TMEM232: variants seen among roughly 807,000 people sequenced by gnomAD.
TMEM232 encodes the protein transmembrane protein 232.
TMEM232 carries 80 observed loss-of-function variants against 78.8 expected under a neutral mutation model. The observed-to-expected ratio is 1.01, with a 90% confidence interval of 0.85 to 1.22. TMEM232 has a LOEUF of 1.22. TMEM232 is among the 50% of genes most tolerant of loss of function. The pLI is 0.00. For synonymous variants in TMEM232, 297 were observed against 254.3 expected (o/e 1.17, Z -1.60); for missense variants, 881 against 742.2 (o/e 1.19, Z -2.17).
At chr5:110,574,455 T>C (rs144143816) in intron 10 of TMEM232, among the ~76,000 whole-genome samples, 122 of 152,190 alleles carry the variant, frequency 8.0e-4, no homozygotes, top group African/African-American at 2.9e-3. Context: ...CCTTGGAATG[T>C]CCTGACTAAT....
At chr5:110,489,720 T>G (rs1341007396) in intron 12 of TMEM232, among the ~76,000 whole-genome samples, 1 of 152,120 alleles carries the variant, frequency 6.6e-6, no homozygotes, top group Non-Finnish European at 1.5e-5. Flanking sequence ...TATTTTTGTT[T>G]GCAGATGGTA....
intron 11 of TMEM232, among the ~76,000 whole-genome samples, chr5:110,544,612 TTC>T (rs1773558211): frequency 6.6e-6 from 1 of 152,170 alleles, no homozygotes; most frequent in African/African-American, 2.4e-5. Flanking sequence ...TTCTCTTCCC[TTC>T]TCTCACAGTC....
chr5:110,408,000 A>G (rs1755853950), intron 2 of TMEM232, among the ~76,000 whole-genome samples: 1 of 152,246 alleles, frequency 6.6e-6, no homozygotes, highest in Non-Finnish European at 1.5e-5. Flanking sequence ...TGAAATAATT[A>G]CGAATGAAAT....
intron 1 of TMEM232, among the ~76,000 whole-genome samples, chr5:110,708,703 A>G (rs1440050712): frequency 3.9e-5 from 6 of 152,172 alleles, no homozygotes; most frequent in African/African-American, 1.2e-4. Context: ...CCTAATGGTA[A>G]GTGCAAATTG....
intron 12 of TMEM232, among the ~76,000 whole-genome samples, chr5:110,498,679 A>C (rs1765885744): frequency 6.6e-6 from 1 of 152,208 alleles, no homozygotes; most frequent in Admixed American, 6.5e-5. Flanking sequence ...TCCCATATGC[A>C]GAATGGCTAA....
In TMEM232 at chr5:110,461,250, A is replaced by ATGAT. The variant is rs532260473; in HGVS notation, c.1704-36338_1704-36335dup. Among the ~76,000 whole-genome samples, 1,243 of 148,592 alleles carry ATGAT rather than the reference A, an allele frequency of 8.4e-3. 13 individuals are homozygous for ATGAT. Among genetic ancestry groups the ATGAT allele is most frequent in the Non-Finnish European group, 0.013 (871 of 67,980 alleles). On this transcript the variant is annotated intron_variant, in intron 12 of 13. Coordinates refer to ENST00000455884, the MANE Select transcript of TMEM232 (RefSeq NM_001039763.4). ...AAGTGCTACTCTAGTGAGCACATGA[A>ATGAT]TGATTAAAAAAAAAAGTAAAACAAT...
At chr5:110,422,482 T>G (rs970734101) in intron 13 of TMEM232, among the ~76,000 whole-genome samples, 3 of 122,080 alleles carry the variant, frequency 2.5e-5, no homozygotes, top group African/African-American at 1.0e-4. Context: ...GTCACACCAC[T>G]GCACTCCAGC....
At chr5:110,473,036 C>A (rs1762849034) in intron 12 of TMEM232, among the ~76,000 whole-genome samples, 1 of 148,806 alleles carries the variant, frequency 6.7e-6, no homozygotes. Flanking sequence ...TGGATAAAAC[C>A]TAAAAAGCAC....
chr5:110,445,381 G>GAACAT (rs1365519865), intron 12 of TMEM232, among the ~76,000 whole-genome samples: 1 of 152,126 alleles, frequency 6.6e-6, no homozygotes, highest in East Asian at 1.9e-4. Flanking sequence ...TCAAGGAAAT[G>GAACAT]AACATAACCA....
chr5:110,547,035 C>A (rs749625429), intron 11 of TMEM232, among the ~76,000 whole-genome samples: 2 of 151,448 alleles, frequency 1.3e-5, no homozygotes, highest in Non-Finnish European at 2.9e-5. Context: ...AAATTAAGCA[C>A]AACTGTAAGA....
At position 110,419,931 on chromosome 5, in the gene TMEM232, A is replaced by C. The variant is rs1276896916; in HGVS notation, c.*649T>G. On this transcript the variant is annotated 3_prime_UTR_variant, in exon 14 of 14. Coordinates refer to ENST00000455884, the MANE Select transcript of TMEM232 (RefSeq NM_001039763.4). ...AGTTGCTCCTGGACCTTCCAGGTTC[A>C]TAAGAATTCATTCTCATAAACTCAC... Among the ~76,000 whole-genome samples the C allele has an allele frequency of 6.6e-6, 1 of 152,112 alleles. No homozygotes were observed. The highest frequency in any genetic ancestry group is 6.6e-5 in the Admixed American group (1 of 15,266).
At chr5:110,534,875 C>T (rs1419499177) in intron 11 of TMEM232, among the ~76,000 whole-genome samples, 1 of 152,090 alleles carries the variant, frequency 6.6e-6, no homozygotes, top group Non-Finnish European at 1.5e-5. Context: ...ATATCCAGGC[C>T]ATCACCAATA....
intron 1 of TMEM232, among the ~76,000 whole-genome samples, chr5:110,719,760 G>C (rs933770481): frequency 6.6e-6 from 1 of 152,070 alleles, no homozygotes; most frequent in African/African-American, 2.4e-5. Flanking sequence ...GTCACCCTGG[G>C]ATGACAGTGA....
At chr5:110,689,186 A>G (rs559698710) in intron 1 of TMEM232, among the ~76,000 whole-genome samples, 10 of 152,194 alleles carry the variant, frequency 6.6e-5, no homozygotes, top group Non-Finnish European at 1.3e-4. Flanking sequence ...TTCCATTGAC[A>G]GTACCCAGGA....
At chr5:110,737,927 GTTAA>G (rs1799368587) in intron 1 of TMEM232, 1 of 153,832 alleles carries the variant, frequency 6.5e-6, no homozygotes, top group African/African-American at 2.4e-5. Context: ...ATTTAAAAAT[GTTAA>G]TTATACATTT....
At position 110,424,827 on chromosome 5, in the gene TMEM232, T is replaced by C. The variant is rs940652999; in HGVS notation, c.1793A>G (p.His598Arg). Reference protein sequence around the residue: ...ADKELAKIIDHHWQEELKIRE... With the variant: ...ADKELAKIIDRHWQEELKIRE... The stretch of plus-strand genomic sequence containing the variant: ...TTAAAAAAAAATCAATCTTACGTGA[T>C]GGTCAATGATTTTTGCCAACTCTTT... Residue 598 changes from histidine to arginine, a missense_variant, in exon 13 of 14, where the codon CAT becomes CGT. His to Arg is a conservative substitution (Grantham distance 29). Coordinates refer to ENST00000455884, the MANE Select transcript of TMEM232 (RefSeq NM_001039763.4). 5.2e-6 allele frequency: 8 copies of C among 1,547,362 alleles called. No individual in the cohort carries two copies. Among genetic ancestry groups the C allele is most frequent in the Non-Finnish European group, 7.0e-6 (8 of 1,144,668 alleles).
At chr5:110,567,303 T>C (rs1776451230) in intron 11 of TMEM232, among the ~76,000 whole-genome samples, 1 of 151,718 alleles carries the variant, frequency 6.6e-6, no homozygotes, top group Admixed American at 6.6e-5. Context: ...AAAAATAATT[T>C]TACCATTAAT....
At position 110,439,601 on chromosome 5, in the gene TMEM232, G is replaced by A. The variant is rs571824647; in HGVS notation, c.1704-14685C>T. Among the ~76,000 whole-genome samples, 3 of 152,046 alleles carry A rather than the reference G, an allele frequency of 2.0e-5. No individual in the cohort carries two copies. In the South Asian group the frequency reaches 6.2e-4, roughly 32 times the overall value. Reference sequence around the variant, plus strand: ...TACAGTTTCAGTCTCGCTTTTCCTTGCCAGCCTGTCTTTTGATCTGGTGGT... The same window carrying A: ...TACAGTTTCAGTCTCGCTTTTCCTTACCAGCCTGTCTTTTGATCTGGTGGT... On this transcript the variant is annotated intron_variant, in intron 12 of 13. Transcript: ENST00000455884.
At chr5:110,443,242 T>A (rs1366029524) in intron 12 of TMEM232, among the ~76,000 whole-genome samples, 1 of 152,128 alleles carries the variant, frequency 6.6e-6, no homozygotes, top group Non-Finnish European at 1.5e-5. Flanking sequence ...CAAAAAACCT[T>A]AGAAGTTTAC....
Sources: gnomAD v4.1 joint callset for allele counts (sites outside exome capture counted in the v4.1 genomes callset) on GRCh38, gnomAD v4.1.1 for gene constraint, MANE v1.5 for transcripts, NCBI Gene and HGNC (gene_info 2026-07-23, HGNC 2026-07-21) for gene names.